Variants in MAML2 observed in about 807,000 individuals in gnomAD.
MAML2 encodes the protein mastermind like transcriptional coactivator 2.
A neutral mutation model predicts 96.1 loss-of-function variants in MAML2; 22 were observed. The ratio of observed to expected loss-of-function variants is 0.23; its 90% CI spans 0.16 to 0.33. MAML2 has a LOEUF of 0.33. MAML2 is among the 10% of genes least tolerant of loss of function. The probability of loss-of-function intolerance (pLI) is 1.00; values close to 1 mark genes in which losing one functional copy is unlikely to be tolerated. For missense variants in MAML2, 1,367 were observed against 1,392.4 expected (o/e 0.98, Z 0.29); for synonymous variants, 561 against 521.3 (o/e 1.08, Z -1.04).
chr11:96,101,957 A>G (rs966045600), intron 1 of MAML2, among the ~76,000 whole-genome samples: 47 of 152,236 alleles, frequency 3.1e-4, no homozygotes, highest in African/African-American at 1.0e-3. Flanking sequence ...CTAAAGCTCA[A>G]AAAGAGCTCA....
chr11:96,282,870 T>C (rs1004761002), intron 1 of MAML2, among the ~76,000 whole-genome samples: 2 of 152,198 alleles, frequency 1.3e-5, no homozygotes, highest in East Asian at 3.8e-4. Context: ...CCTTCCCCTT[T>C]TCACTTCAAC....
At chr11:96,119,792 C>T (rs1486360069) in intron 1 of MAML2, among the ~76,000 whole-genome samples, 1 of 152,146 alleles carries the variant, frequency 6.6e-6, no homozygotes, top group Non-Finnish European at 1.5e-5. Flanking sequence ...TTTCAAATCA[C>T]TTATCATGAT....
intron 2 of MAML2, among the ~76,000 whole-genome samples, chr11:96,013,645 G>A (rs1035689564): frequency 2.0e-5 from 3 of 152,132 alleles, no homozygotes; most frequent in Non-Finnish European, 4.4e-5. Context: ...GCCAGACGTC[G>A]AGAGGAGCAC....
At chr11:96,052,191 G>T (rs534933314) in intron 2 of MAML2, among the ~76,000 whole-genome samples, 2 of 152,242 alleles carry the variant, frequency 1.3e-5, no homozygotes, top group South Asian at 4.1e-4. Flanking sequence ...GAACATATTT[G>T]TTAAGTGCTT....
rs182491491 is a variant in MAML2, at chr11:96,215,880, C to A, written c.514-122363G>T. ...ATTACAGAACAACAGATTGGAACAA[C>A]AAAGGCAATGAGAATGTCTTTCTAG... On this transcript the variant is annotated intron_variant, in intron 1 of 4. Transcript: ENST00000524717. Among the ~76,000 whole-genome samples, 159 of 152,184 alleles carry A rather than the reference C, an allele frequency of 1.0e-3. 1 individual carries two copies. The highest frequency in any genetic ancestry group is 6.8e-3 in the Middle Eastern group (2 of 294).
At chr11:96,293,656 T>C (rs538370272) in intron 1 of MAML2, among the ~76,000 whole-genome samples, 1 of 151,922 alleles carries the variant, frequency 6.6e-6, no homozygotes, top group East Asian at 1.9e-4. Context: ...GCTGAAAAAA[T>C]GAGACACAGC....
intron 1 of MAML2, among the ~76,000 whole-genome samples, chr11:96,174,051 G>A (rs778119225): frequency 1.7e-4 from 26 of 152,186 alleles, no homozygotes; most frequent in Non-Finnish European, 3.4e-4. Flanking sequence ...CAACAGAATC[G>A]TCAAGGCAGA....
intron 1 of MAML2, among the ~76,000 whole-genome samples, chr11:96,199,196 C>CAAAAAAA (rs71459791): frequency 1.9e-4 from 11 of 58,610 alleles, no homozygotes; most frequent in African/African-American, 6.8e-4. Context: ...GCCTCCGTCT[C>CAAAAAAA]AAAAAAAAAA....
chr11:96,090,846 G>T (rs567371618), intron 2 of MAML2, among the ~76,000 whole-genome samples: 4 of 152,140 alleles, frequency 2.6e-5, no homozygotes, highest in Non-Finnish European at 4.4e-5. Context: ...CAATAGCCAC[G>T]AAAACTACTC....
At chr11:96,065,415 G>GCGCACACA (rs1555003771) in intron 2 of MAML2, among the ~76,000 whole-genome samples, 4 of 149,462 alleles carry the variant, frequency 2.7e-5, no homozygotes, top group East Asian at 4.0e-4. Flanking sequence ...GTGCGTGCAT[G>GCGCACACA]CACACACACA....
chr11:96,073,377 G>A (rs1239430568), intron 2 of MAML2, among the ~76,000 whole-genome samples: 1 of 147,560 alleles, frequency 6.8e-6, no homozygotes, highest in Non-Finnish European at 1.5e-5. Context: ...CTGGAGTGCA[G>A]TGGTGCTATC....
At chr11:96,281,234 C>T (rs1863059249) in intron 1 of MAML2, among the ~76,000 whole-genome samples, 1 of 152,092 alleles carries the variant, frequency 6.6e-6, no homozygotes, top group African/African-American at 2.4e-5. Context: ...CACAAATCAC[C>T]ATGTGAAGGT....
intron 1 of MAML2, among the ~76,000 whole-genome samples, chr11:96,156,001 A>C (rs1457779060): frequency 1.3e-5 from 2 of 152,196 alleles, no homozygotes; most frequent in Non-Finnish European, 2.9e-5. Flanking sequence ...TAAAACCCAC[A>C]GAGGAAAAGT....
chr11:96,207,306 C>T (rs1024999759), intron 1 of MAML2, among the ~76,000 whole-genome samples: 1 of 152,190 alleles, frequency 6.6e-6, no homozygotes, highest in Non-Finnish European at 1.5e-5. Flanking sequence ...AGGGCAAATT[C>T]TGTCTAAACA....
At chr11:96,339,744 G>A (rs1456706406) in intron 1 of MAML2, among the ~76,000 whole-genome samples, 1 of 152,160 alleles carries the variant, frequency 6.6e-6, no homozygotes, top group African/African-American at 2.4e-5. Context: ...TACAGATGCT[G>A]GTGACACACA....
chr11:96,158,258 T>A (rs1861044251), intron 1 of MAML2, among the ~76,000 whole-genome samples: 1 of 152,232 alleles, frequency 6.6e-6, no homozygotes, highest in Non-Finnish European at 1.5e-5. Flanking sequence ...TCATAGTCTG[T>A]TGACACGTGT....
chr11:95,984,508 G>A (rs1857794334), intron 4 of MAML2, among the ~76,000 whole-genome samples: 1 of 152,114 alleles, frequency 6.6e-6, no homozygotes, highest in Non-Finnish European at 1.5e-5. Flanking sequence ...GGCTGGCCTC[G>A]AACTTTTGGG....
chr11:96,251,821 T>A (rs1188082093), intron 1 of MAML2, among the ~76,000 whole-genome samples: 1 of 150,350 alleles, frequency 6.7e-6, no homozygotes, highest in Non-Finnish European at 1.5e-5. Flanking sequence ...AACCTCCGCC[T>A]CCCAGGTTCA....
intron 1 of MAML2, among the ~76,000 whole-genome samples, chr11:96,268,523 T>A (rs917337506): frequency 1.3e-5 from 2 of 152,112 alleles, no homozygotes; most frequent in East Asian, 3.8e-4. Context: ...CTATGTGGCT[T>A]CCAAGGAACA....
Sources: allele counts gnomAD v4.1 joint callset (sites outside exome capture counted in the v4.1 genomes callset), GRCh38; gene constraint gnomAD v4.1.1; transcripts MANE v1.5; gene names NCBI Gene and HGNC (gene_info 2026-07-23, HGNC 2026-07-21).